Variants in AP2B1 observed in about 807,000 individuals in gnomAD.
The protein encoded by AP2B1 is adaptor related protein complex 2 subunit beta 1, also known as AP-2 complex subunit beta.
In AP2B1, 23 loss-of-function variants were observed where a neutral mutation model predicts 102.0. The ratio of observed to expected loss-of-function variants is 0.23; its 90% CI spans 0.16 to 0.32. The LOEUF (loss-of-function observed/expected upper bound fraction) is 0.32. AP2B1 is among the 10% of genes least tolerant of loss of function. The probability of loss-of-function intolerance (pLI) is 1.00; values close to 1 mark genes in which losing one functional copy is unlikely to be tolerated. For synonymous variants in AP2B1, 381 were observed against 421.2 expected (o/e 0.90, Z 1.17); for missense variants, 541 against 1,157.4 (o/e 0.47, Z 7.73).
intron 9 of AP2B1, among the ~76,000 whole-genome samples, chr17:35,630,994 C>G (rs1347031472): frequency 2.0e-5 from 3 of 152,164 alleles, no homozygotes; most frequent in Non-Finnish European, 4.4e-5. Context: ...ACTAACTCAT[C>G]CATGGGACAG....
At chr17:35,658,618 A>G (rs1251263294) in intron 14 of AP2B1, among the ~76,000 whole-genome samples, 1 of 152,230 alleles carries the variant, frequency 6.6e-6, no homozygotes. Flanking sequence ...AGGCTTTTCT[A>G]GCTAGACCCT....
chr17:35,606,188 A>T (rs1010669653), intron 4 of AP2B1, among the ~76,000 whole-genome samples: 1 of 151,972 alleles, frequency 6.6e-6, no homozygotes, highest in Non-Finnish European at 1.5e-5. Context: ...AGTAGTGGAG[A>T]CTGCCGGAGT....
chr17:35,594,101 T>C (rs1480731423), intron 2 of AP2B1, 34 bp downstream of exon 2: 1 of 1,494,798 alleles, frequency 6.7e-7, no homozygotes, highest in Admixed American at 1.9e-5. Context: ...TCTTTTGAAA[T>C]TTTCAAAAGT....
At chr17:35,683,778 GA>G (rs1305996654) in intron 18 of AP2B1, among the ~76,000 whole-genome samples, 18 of 152,206 alleles carry the variant, frequency 1.2e-4, no homozygotes, top group Non-Finnish European at 1.5e-4. Flanking sequence ...AGAACAGGAA[GA>G]AAGCCTTGGG....
At chr17:35,722,038 C>T (rs781871435) in intron 21 of AP2B1, among the ~76,000 whole-genome samples, 8 of 151,962 alleles carry the variant, frequency 5.3e-5, no homozygotes, top group African/African-American at 1.2e-4. Flanking sequence ...GTCAAGAGTT[C>T]GAGACCAGCC....
Position 35,704,021 on chromosome 17 carries a change from G to A in AP2B1, c.2455-5203G>A, listed in dbSNP as rs145786347. ...CCTACTATCTCTACCTGTTGGGATAGTGAATTTTTAAATAAGAAAACAAGA... is the reference window on the plus strand; with the variant it reads ...CCTACTATCTCTACCTGTTGGGATAATGAATTTTTAAATAAGAAAACAAGA... On this transcript the variant is annotated intron_variant, in intron 18 of 21. Coordinates refer to ENST00000610402, the MANE Select transcript of AP2B1 (RefSeq NM_001030006.2). 3.5e-4 allele frequency among the ~76,000 whole-genome samples: 54 copies of A among 152,234 alleles called. 1 individual carries two copies. The highest frequency in any genetic ancestry group is 1.2e-3 in the African/African-American group (51 of 41,500).
chr17:35,627,473 A>AT lies in AP2B1; in HGVS notation c.1029dup (p.Arg344SerfsTer25). ...TAAACTAGAGAAGTTGGACATCATGATTCGTTTGGCATCTCAAGCCAACAT... is the reference window on the plus strand; with the variant it reads ...TAAACTAGAGAAGTTGGACATCATGATTTCGTTTGGCATCTCAAGCCAACAT... On this transcript the variant is annotated frameshift_variant, in exon 8 of 22. Coordinates refer to ENST00000610402, the MANE Select transcript of AP2B1 (RefSeq NM_001030006.2). LOFTEE classifies it high-confidence loss of function. The AT allele has an allele frequency of 6.2e-7, 1 of 1,614,036 alleles. No individual in the cohort carries two copies.
intron 3 of AP2B1, among the ~76,000 whole-genome samples, chr17:35,602,297 G>A (rs1272195572): frequency 1.3e-5 from 2 of 152,172 alleles, no homozygotes. Flanking sequence ...AAGGCAATAC[G>A]AGTTCTACCA....
At chr17:35,659,602 T>A (rs1301758397) in intron 14 of AP2B1, among the ~76,000 whole-genome samples, 2 of 152,158 alleles carry the variant, frequency 1.3e-5, no homozygotes, top group African/African-American at 2.4e-5. Flanking sequence ...CCTTTTTTTT[T>A]ATATAAGGGA....
intron 1 of AP2B1, among the ~76,000 whole-genome samples, chr17:35,591,453 G>A (rs543165860): frequency 5.9e-5 from 9 of 152,288 alleles, no homozygotes; most frequent in South Asian, 2.1e-4. Flanking sequence ...GATTACAGGC[G>A]TGAGCCACCG....
At chr17:35,589,777 A>G (rs772911967) in intron 1 of AP2B1, among the ~76,000 whole-genome samples, 1 of 152,176 alleles carries the variant, frequency 6.6e-6, no homozygotes, top group Non-Finnish European at 1.5e-5. Context: ...TGTGAGTTCA[A>G]ATTCCATCAT....
intron 9 of AP2B1, among the ~76,000 whole-genome samples, chr17:35,628,842 T>A (rs2074386277): frequency 6.6e-6 from 1 of 152,226 alleles, no homozygotes. Flanking sequence ...CTATCAACTG[T>A]TGGCTTGCAA....
At chr17:35,626,225 A>T (rs2074311741) in intron 6 of AP2B1, among the ~76,000 whole-genome samples, 1 of 152,214 alleles carries the variant, frequency 6.6e-6, no homozygotes, top group Admixed American at 6.5e-5. Flanking sequence ...AATAACTCTC[A>T]GAATGCTTAA....
chr17:35,710,198 T>C (rs1406416222), intron 19 of AP2B1, 36 bp from the exon 20 acceptor site: 2 of 1,441,434 alleles, frequency 1.4e-6, no homozygotes, highest in Admixed American at 3.4e-5. Context: ...TGACAGCTTA[T>C]GCACATCCAT....
chr17:35,685,474 T>C (rs934181375), intron 18 of AP2B1, among the ~76,000 whole-genome samples: 23 of 152,198 alleles, frequency 1.5e-4, no homozygotes, highest in Admixed American at 5.2e-4. Flanking sequence ...GTATAATGTT[T>C]AGATTCAAGA....
intron 21 of AP2B1, among the ~76,000 whole-genome samples, chr17:35,721,548 A>G (rs1235579885): frequency 6.6e-6 from 1 of 152,164 alleles, no homozygotes; most frequent in African/African-American, 2.4e-5. Flanking sequence ...TGTGGATATT[A>G]AGAGTCCAGA....
rs117325945 is a variant in AP2B1 at position 35,590,454 on chromosome 17, G to A, written c.-24+3026G>A. ...TGGCATTTAGTACACTGACAGTGTT[G>A]TGCAACAATCATGTCTTCTGATTTG... On this transcript the variant is annotated intron_variant, in intron 1 of 21. Transcript: ENST00000610402. Among the ~76,000 whole-genome samples the A allele has an allele frequency of 1.1e-4, 16 of 152,284 alleles. No homozygotes were observed. The East Asian group carries it at 3.1e-3, about 29-fold the overall frequency.
Position 35,626,846 on chromosome 17 carries a change from G to A in AP2B1, c.938+4G>A, listed in dbSNP as rs373765686. 3 of 1,612,296 alleles carry A rather than the reference G, an allele frequency of 1.9e-6. No homozygotes were observed. Among genetic ancestry groups the A allele is most frequent in the African/African-American group, 1.3e-5 (1 of 74,818 alleles). On this transcript the variant is annotated splice_donor_region_variant and intron_variant, in intron 7 of 21. Transcript: ENST00000610402. The stretch of plus-strand genomic sequence containing the variant: ...TCAACTTAATTGTCCAGAAAAGGTT[G>A]GGAAATAGCGAAGTGTTGATTAAAG...
chr17:35,635,698 TTG>T (rs999366413), intron 9 of AP2B1, among the ~76,000 whole-genome samples: 73 of 152,184 alleles, frequency 4.8e-4, no homozygotes, highest in African/African-American at 1.7e-3. Flanking sequence ...TTTTGTTTGT[TTG>T]TGTTTTTTGT....
Sources: allele counts gnomAD v4.1 joint callset (sites outside exome capture counted in the v4.1 genomes callset), GRCh38; gene constraint gnomAD v4.1.1; transcripts MANE v1.5; gene names NCBI Gene and HGNC (gene_info 2026-07-23, HGNC 2026-07-21).